CELF2: variants seen among roughly 807,000 people sequenced by gnomAD.
CELF2 encodes the protein CUG triplet repeat RNA-binding protein 2.
In CELF2, 8 loss-of-function variants were observed where a neutral mutation model predicts 62.6. That is an observed-to-expected ratio of 0.13 (90% CI 0.07 to 0.23). CELF2 has a LOEUF of 0.23. Ranked by LOEUF, CELF2 falls within the 10% of genes least tolerant of loss-of-function variation. The pLI is 1.00. For missense variants in CELF2, 333 were observed against 671.0 expected, an observed-to-expected ratio of 0.50 and a Z score of 5.56; for synonymous variants, 258 against 250.0, an observed-to-expected ratio of 1.03 and a Z score of -0.30.
chr10:10,640,119 C>G, the CELF2 span, among the ~76,000 whole-genome samples: 1 of 152,312 alleles, frequency 6.6e-6, no homozygotes, highest in South Asian at 2.1e-4. Context: ...TACATCCAGT[C>G]CTACTTAACA....
rs976623640 is a variant in CELF2, at chr10:11,223,699, G to A, written c.354+6192G>A. On this transcript the variant is annotated intron_variant, in intron 3 of 12. Transcript: ENST00000633077. This position sits in a 1 kb window ranked among gnomAD's most constrained non-coding sequence, Gnocchi z 5.1. Reference sequence around the variant, plus strand: ...CTGCAGGAGTCACAGCAGTATGAAAGGGGTAGGGGCAGAGTGTAGACCCAG... The same window carrying A: ...CTGCAGGAGTCACAGCAGTATGAAAAGGGTAGGGGCAGAGTGTAGACCCAG... Among the ~76,000 whole-genome samples, 9 of 152,152 alleles carry A rather than the reference G, an allele frequency of 5.9e-5. No individual in the cohort carries two copies. The highest frequency in any genetic ancestry group is 2.1e-4 in the South Asian group (1 of 4,828).
the CELF2 span, among the ~76,000 whole-genome samples, chr10:10,568,797 T>G: frequency 6.6e-6 from 1 of 152,092 alleles, no homozygotes; most frequent in Admixed American, 6.6e-5. Flanking sequence ...GGTTTTGAAG[T>G]TCTCAATTTG....
At chr10:11,271,295 A>C (rs1230468265) in intron 7 of CELF2, among the ~76,000 whole-genome samples, 1 of 152,166 alleles carries the variant, frequency 6.6e-6, no homozygotes, top group East Asian at 1.9e-4. Flanking sequence ...ATTCTATTCT[A>C]TTTCAAGCCC....
At chr10:10,739,504 A>G in the CELF2 span, among the ~76,000 whole-genome samples, 1 of 152,314 alleles carries the variant, frequency 6.6e-6, no homozygotes, top group Admixed American at 6.5e-5. Context: ...GAGTTCCCAT[A>G]TTCCCATCAT....
At chr10:11,124,904 T>C (rs1388359954) in intron 1 of CELF2, among the ~76,000 whole-genome samples, 4 of 152,248 alleles carry the variant, frequency 2.6e-5, no homozygotes. Context: ...TGAGATTTTC[T>C]TCTTACAGAC....
At chr10:10,733,819 T>C in the CELF2 span, among the ~76,000 whole-genome samples, 10 of 152,136 alleles carry the variant, frequency 6.6e-5, no homozygotes, top group African/African-American at 2.4e-4. Context: ...CATGAGGGAA[T>C]TATGGGAACT....
the CELF2 span, among the ~76,000 whole-genome samples, chr10:10,780,017 G>A: frequency 6.6e-6 from 1 of 152,174 alleles, no homozygotes; most frequent in Non-Finnish European, 1.5e-5. Flanking sequence ...CATGGAAAGG[G>A]AGAGATGGAC....
chr10:10,948,904 T>C (rs892464376), intron 2 of CELF2, among the ~76,000 whole-genome samples: 2 of 152,186 alleles, frequency 1.3e-5, no homozygotes, highest in African/African-American at 4.8e-5. Context: ...AACGCTTACC[T>C]GTCTCTGTAC....
intron 1 of CELF2, among the ~76,000 whole-genome samples, chr10:11,103,307 C>G (rs1230615892): frequency 6.6e-6 from 1 of 150,904 alleles, no homozygotes; most frequent in Non-Finnish European, 1.5e-5. Flanking sequence ...AATTTTTGCT[C>G]CGATGCTTTC....
At chr10:11,233,053 C>A (rs962928305) in intron 3 of CELF2, among the ~76,000 whole-genome samples, 1 of 152,128 alleles carries the variant, frequency 6.6e-6, no homozygotes, top group Non-Finnish European at 1.5e-5. Flanking sequence ...TAAACATGTC[C>A]ACTGTACATT....
At chr10:10,607,309 A>T in the CELF2 span, among the ~76,000 whole-genome samples, 1 of 146,964 alleles carries the variant, frequency 6.8e-6, no homozygotes, top group Non-Finnish European at 1.5e-5. Context: ...AGAAAATGTT[A>T]AAAAAAAATA....
At chr10:10,850,884 C>T (rs965605820) in intron 1 of CELF2, among the ~76,000 whole-genome samples, 2 of 152,088 alleles carry the variant, frequency 1.3e-5, no homozygotes, top group Middle Eastern at 3.2e-3. Context: ...CAGCTCACTG[C>T]GACCTCTGCC....
the CELF2 span, among the ~76,000 whole-genome samples, chr10:10,770,870 C>T: frequency 1.3e-5 from 2 of 152,170 alleles, no homozygotes; most frequent in African/African-American, 4.8e-5. Context: ...TTACTTAAAA[C>T]AGTACTTCTT....
intron 9 of CELF2, among the ~76,000 whole-genome samples, chr10:11,298,389 G>A (rs1019070291): frequency 6.6e-6 from 1 of 152,250 alleles, no homozygotes; most frequent in African/African-American, 2.4e-5. Context: ...AGGGAACACT[G>A]ACCTCTGTCA....
rs116946073 is a variant in CELF2, at chr10:11,321,996, C to A, written c.1294+610C>A. Among the ~76,000 whole-genome samples, 73 of 152,308 alleles carry A rather than the reference C, an allele frequency of 4.8e-4. No homozygotes were observed. In the East Asian group the frequency reaches 0.013, roughly 28 times the overall value. ...ATTAAGTTCTATAAACTATTAATTT[C>A]CCATAAACTACTTCATAGCTGCTGA... On this transcript the variant is annotated intron_variant, in intron 11 of 12. Coordinates refer to ENST00000633077, the MANE Select transcript of CELF2 (RefSeq NM_001326342.2). This position sits in a 1 kb window ranked among gnomAD's most constrained non-coding sequence, Gnocchi z 6.2.
At chr10:10,820,585 T>C (rs2056872880) in intron 1 of CELF2, among the ~76,000 whole-genome samples, 1 of 152,040 alleles carries the variant, frequency 6.6e-6, no homozygotes, top group African/African-American at 2.4e-5. Flanking sequence ...ACAAAATAAA[T>C]ACAAAATCAC....
chr10:10,572,243 T>C, the CELF2 span, among the ~76,000 whole-genome samples: 1 of 152,088 alleles, frequency 6.6e-6, no homozygotes, highest in Non-Finnish European at 1.5e-5. Context: ...ATATTTTCTA[T>C]TGAGGTCCCT....
the CELF2 span, among the ~76,000 whole-genome samples, chr10:10,528,156 G>A: frequency 4.8e-3 from 529 of 109,964 alleles, 4 homozygotes; most frequent in African/African-American, 0.015. Flanking sequence ...ATAGATTCCT[G>A]TTTTGTGTGT....
chr10:10,542,529 C>T, the CELF2 span, among the ~76,000 whole-genome samples: 1 of 152,220 alleles, frequency 6.6e-6, no homozygotes, highest in Admixed American at 6.5e-5. Flanking sequence ...AGCTTTTCCA[C>T]TCTAAGATAG....
Sources: gnomAD v4.1 joint callset for allele counts (sites outside exome capture counted in the v4.1 genomes callset) on GRCh38, gnomAD v4.1.1 for gene constraint, Gnocchi (gnomAD v3.1) non-coding constraint, MANE v1.5 for transcripts, NCBI Gene and HGNC (gene_info 2026-07-23, HGNC 2026-07-21) for gene names.